Variants in TUSC3 observed in about 807,000 individuals in gnomAD.
The protein encoded by TUSC3 is tumor suppressor candidate 3.
Under a neutral mutation model 44.8 loss-of-function variants are expected in TUSC3, and 45 were observed. That is an observed-to-expected ratio of 1.00 (90% CI 0.79 to 1.29). The LOEUF is 1.29. Ranked by LOEUF, TUSC3 falls within the 50% of genes most tolerant of loss-of-function variation. TUSC3 has a pLI of 0.00. For synonymous variants in TUSC3, 212 were observed against 152.9 expected, an observed-to-expected ratio of 1.39 and a Z score of -2.85; for missense variants, 519 against 437.9, an observed-to-expected ratio of 1.19 and a Z score of -1.65.
chr8:15,709,300 G>C (rs1301834347), intron 6 of TUSC3, among the ~76,000 whole-genome samples: 1 of 151,754 alleles, frequency 6.6e-6, no homozygotes, highest in African/African-American at 2.4e-5. Flanking sequence ...TTATTTTTTA[G>C]AAAATAAAAA....
intron 1 of TUSC3, among the ~76,000 whole-genome samples, chr8:15,566,981 C>A (rs1226154179): frequency 6.6e-6 from 1 of 152,108 alleles, no homozygotes; most frequent in Admixed American, 6.6e-5. Context: ...TTAGTGATAA[C>A]CACCAGGAGG....
chr8:15,830,785 T>A, the TUSC3 span, among the ~76,000 whole-genome samples: 1 of 151,910 alleles, frequency 6.6e-6, no homozygotes, highest in African/African-American at 2.4e-5. Flanking sequence ...GGGATCAGGG[T>A]TGAAAAATTA....
chr8:15,753,432 GT>G (rs1239707156), intron 9 of TUSC3, among the ~76,000 whole-genome samples: 3 of 151,938 alleles, frequency 2.0e-5, no homozygotes, highest in Non-Finnish European at 2.9e-5. Context: ...GCTCTCTCAG[GT>G]TTATATAGTA....
intron 2 of TUSC3, among the ~76,000 whole-genome samples, chr8:15,516,500 C>T (rs916869897): frequency 3.9e-5 from 6 of 152,078 alleles, no homozygotes; most frequent in African/African-American, 1.4e-4. Flanking sequence ...ATATTTTTCC[C>T]CCTGAAAATG....
the TUSC3 span, among the ~76,000 whole-genome samples, chr8:15,798,148 A>G: frequency 1.3e-3 from 204 of 152,354 alleles, no homozygotes; most frequent in East Asian, 0.012. Context: ...GCAATATGGG[A>G]CAAAGAAGTA....
At chr8:15,662,105 G>T (rs928967210) in intron 4 of TUSC3, 51 bp from the exon 5 acceptor site, 22 of 1,593,964 alleles carry the variant, frequency 1.4e-5, no homozygotes, top group Non-Finnish European at 1.8e-5. Context: ...ATGATCAAAA[G>T]AAAAATTTTA....
intron 2 of TUSC3, among the ~76,000 whole-genome samples, chr8:15,519,915 TAAC>T (rs1181196383): frequency 6.6e-6 from 1 of 152,240 alleles, no homozygotes; most frequent in Non-Finnish European, 1.5e-5. Context: ...ATAGCTACTA[TAAC>T]TCTCAATATA....
At chr8:15,738,793 G>C (rs765386580) in intron 7 of TUSC3, among the ~76,000 whole-genome samples, 4 of 143,462 alleles carry the variant, frequency 2.8e-5, no homozygotes, top group African/African-American at 5.1e-5. Context: ...CTTTTCACTT[G>C]GTATGGTGAC....
At chr8:15,504,268 G>A (rs890342317) in intron 2 of TUSC3, among the ~76,000 whole-genome samples, 17 of 151,972 alleles carry the variant, frequency 1.1e-4, no homozygotes, top group African/African-American at 3.9e-4. Flanking sequence ...GATCGCTGGA[G>A]ATCCTACCTC....
intron 2 of TUSC3, among the ~76,000 whole-genome samples, chr8:15,529,254 G>A (rs1367436815): frequency 6.6e-6 from 1 of 152,000 alleles, no homozygotes; most frequent in Non-Finnish European, 1.5e-5. Context: ...CTGTGTTTCA[G>A]ATATAAATTT....
At chr8:15,476,215 A>C (rs1800573704) in intron 1 of TUSC3, among the ~76,000 whole-genome samples, 1 of 152,222 alleles carries the variant, frequency 6.6e-6, no homozygotes. Context: ...GTAATGTCTA[A>C]TCCAATGTGA....
intron 1 of TUSC3, among the ~76,000 whole-genome samples, chr8:15,547,009 G>A (rs147883358): frequency 0.011 from 1,651 of 151,656 alleles, 50 homozygotes; most frequent in Middle Eastern, 0.017. Context: ...GCATCTTGTT[G>A]TCATTTAATG....
At chr8:15,631,668 T>G (rs1001714231) in intron 2 of TUSC3, among the ~76,000 whole-genome samples, 3 of 145,114 alleles carry the variant, frequency 2.1e-5, no homozygotes, top group Non-Finnish European at 3.0e-5. Context: ...TTTAAGGCTG[T>G]TGTGTGTGTG....
At chr8:15,441,340 G>C (rs28580726) in intron 1 of TUSC3, among the ~76,000 whole-genome samples, 1 of 152,112 alleles carries the variant, frequency 6.6e-6, no homozygotes, top group East Asian at 1.9e-4. Flanking sequence ...CCAGGAGGTG[G>C]AGTTTTCAGT....
chr8:15,452,253 T>C (rs915485310), intron 1 of TUSC3, among the ~76,000 whole-genome samples: 3 of 152,216 alleles, frequency 2.0e-5, no homozygotes, highest in African/African-American at 7.2e-5. Flanking sequence ...TCGCTGACTT[T>C]CTTCTCACTT....
chr8:15,680,059 A>G (rs997262120), intron 6 of TUSC3, among the ~76,000 whole-genome samples: 38 of 150,598 alleles, frequency 2.5e-4, no homozygotes, highest in East Asian at 2.0e-4. Flanking sequence ...TACCTTGGCT[A>G]TTTGTTCTCT....
chr8:15,466,274 G>A (rs1322671584), intron 1 of TUSC3, among the ~76,000 whole-genome samples: 1 of 152,080 alleles, frequency 6.6e-6, no homozygotes, highest in Non-Finnish European at 1.5e-5. Context: ...TACATCAAGA[G>A]GAAATCACTG....
At chr8:15,578,171 T>C (rs1306869408) in intron 1 of TUSC3, among the ~76,000 whole-genome samples, 60 of 135,512 alleles carry the variant, frequency 4.4e-4, no homozygotes, top group African/African-American at 1.6e-3. Flanking sequence ...TTTTGTATCC[T>C]GAGACTTTGC....
At chr8:15,601,756 C>G (rs887210692) in intron 1 of TUSC3, among the ~76,000 whole-genome samples, 4 of 151,340 alleles carry the variant, frequency 2.6e-5, no homozygotes, top group African/African-American at 9.7e-5. Context: ...AACAATGGTT[C>G]TAATGTAATG....
Sources: allele counts gnomAD v4.1 joint callset (sites outside exome capture counted in the v4.1 genomes callset), GRCh38; gene constraint gnomAD v4.1.1; transcripts MANE v1.5; gene names NCBI Gene and HGNC (gene_info 2026-07-23, HGNC 2026-07-21).